The following KCNN2 variants were observed in gnomAD, a reference collection of about 807,000 sequenced individuals.
KCNN2 encodes small conductance calcium-activated potassium channel protein 2.
In KCNN2, 24 loss-of-function variants were observed where a neutral mutation model predicts 55.5. That is an observed-to-expected ratio of 0.43 (90% CI 0.31 to 0.61). The LOEUF is 0.61. Ranked by LOEUF, KCNN2 falls within the 20% of genes least tolerant of loss-of-function variation. The pLI is 0.08. For synonymous variants in KCNN2, 431 were observed against 336.1 expected, an observed-to-expected ratio of 1.28 and a Z score of -3.09; for missense variants, 754 against 853.6, an observed-to-expected ratio of 0.88 and a Z score of 1.45.
Position 114,368,051 on chromosome 5 carries a change from A to AT in KCNN2, c.1218+4060dup, listed in dbSNP as rs949453736. Among the ~76,000 whole-genome samples, 141 of 150,138 alleles carry AT rather than the reference A, an allele frequency of 9.4e-4. 2 individuals carry two copies. The highest frequency in any genetic ancestry group is 2.7e-3 in the African/African-American group (111 of 40,962). On this transcript the variant is annotated intron_variant, in intron 2 of 7. Coordinates refer to ENST00000673685, the MANE Select transcript of KCNN2 (RefSeq NM_021614.4). ...ACTGTGTGGATCCACTTATACACAGATTTTTTTTTTCCAGTAAATATAGTG... is the reference window on the plus strand; with the variant it reads ...ACTGTGTGGATCCACTTATACACAGATTTTTTTTTTTCCAGTAAATATAGTG...
intron 1 of KCNN2, among the ~76,000 whole-genome samples, chr5:114,147,855 T>A (rs1752430970): frequency 6.6e-6 from 1 of 152,280 alleles, no homozygotes; most frequent in African/African-American, 2.4e-5. Context: ...CATTCCTAAG[T>A]ACAGAAAAGG....
chr5:114,491,187 C>T (rs1747830089), intron 6 of KCNN2, among the ~76,000 whole-genome samples: 2 of 152,102 alleles, frequency 1.3e-5, no homozygotes, highest in Non-Finnish European at 2.9e-5. Flanking sequence ...CCCACTTAAG[C>T]TAAGAAACTG....
chr5:114,421,243 A>G (rs1442442866), intron 3 of KCNN2, among the ~76,000 whole-genome samples: 2 of 151,156 alleles, frequency 1.3e-5, no homozygotes, highest in East Asian at 1.9e-4. Context: ...AAAAGCCAAC[A>G]TGTTGGTTAG....
intron 2 of KCNN2, among the ~76,000 whole-genome samples, chr5:114,320,610 T>A (rs1373788366): frequency 1.3e-5 from 2 of 149,050 alleles, no homozygotes; most frequent in African/African-American, 5.0e-5. Context: ...CGAGACTCTG[T>A]CTCAAAAAAA....
intron 2 of KCNN2, among the ~76,000 whole-genome samples, chr5:114,310,274 A>G (rs1756369181): frequency 1.3e-5 from 2 of 152,184 alleles, no homozygotes; most frequent in African/African-American, 4.8e-5. Flanking sequence ...CATGATGCAC[A>G]GAAACCACAG....
At chr5:114,311,157 A>G (rs1756384994) in intron 2 of KCNN2, among the ~76,000 whole-genome samples, 1 of 152,098 alleles carries the variant, frequency 6.6e-6, no homozygotes. Flanking sequence ...ATGTATATAT[A>G]TATTTTTAAT....
intron 2 of KCNN2, among the ~76,000 whole-genome samples, chr5:114,274,142 A>T (rs914226502): frequency 1.3e-5 from 2 of 152,174 alleles, no homozygotes; most frequent in Non-Finnish European, 2.9e-5. Context: ...CAAAGATCAG[A>T]TGGTGGTAGA....
chr5:114,333,711 A>C (rs1036635366), intron 2 of KCNN2, among the ~76,000 whole-genome samples: 1 of 152,106 alleles, frequency 6.6e-6, no homozygotes, highest in African/African-American at 2.4e-5. Context: ...ATAAGAAATA[A>C]AATATTTATA....
At chr5:114,119,996 C>T (rs902693564) in intron 1 of KCNN2, among the ~76,000 whole-genome samples, 35 of 152,028 alleles carry the variant, frequency 2.3e-4, no homozygotes, top group African/African-American at 8.2e-4. Flanking sequence ...TGCGCATGTG[C>T]AAACTTATTT....
At chr5:114,168,030 G>C (rs1752951924) in intron 1 of KCNN2, among the ~76,000 whole-genome samples, 1 of 152,042 alleles carries the variant, frequency 6.6e-6, no homozygotes, top group Non-Finnish European at 1.5e-5. Flanking sequence ...CATGTGAGTA[G>C]TATACCATTG....
At chr5:114,404,413 C>A in intron 2 of KCNN2, 25 bp from the exon 3 acceptor site, 1 of 1,593,902 alleles carries the variant, frequency 6.3e-7, no homozygotes, top group Non-Finnish European at 8.6e-7. Flanking sequence ...CATACTGAAG[C>A]TGATTTTCTA....
chr5:114,366,188 T>C (rs1269672580), intron 2 of KCNN2, among the ~76,000 whole-genome samples: 1 of 152,224 alleles, frequency 6.6e-6, no homozygotes, highest in Non-Finnish European at 1.5e-5. Flanking sequence ...CATATGCACA[T>C]ATATTTTGAT....
intron 1 of KCNN2, among the ~76,000 whole-genome samples, chr5:114,216,875 T>A (rs1293931094): frequency 6.6e-6 from 1 of 152,062 alleles, no homozygotes; most frequent in African/African-American, 2.4e-5. Context: ...AAAAAATTTT[T>A]AAAAACCTTC....
intron 5 of KCNN2, among the ~76,000 whole-genome samples, chr5:114,478,233 A>C (rs537399901): frequency 1.1e-3 from 167 of 152,338 alleles, no homozygotes; most frequent in African/African-American, 3.8e-3. Flanking sequence ...AAGCAGCAGG[A>C]GAAAAAAACA....
At position 114,363,899 on chromosome 5, in the gene KCNN2, G is replaced by A; in HGVS notation, c.1123-7G>A. On this transcript the variant is annotated splice_polypyrimidine_tract_variant and splice_region_variant and intron_variant, in intron 1 of 7. Transcript: ENST00000673685. ...CTTAAAAGTGCTTCTGTCTGACTGT[G>A]TTGCAGGCGTCGCTGTATTCCTTAG... The A allele has an allele frequency of 6.2e-7, 1 of 1,610,426 alleles. No homozygotes were observed. Among genetic ancestry groups the A allele is most frequent in the Non-Finnish European group, 8.5e-7 (1 of 1,176,744 alleles).
chr5:114,439,122 A>G (rs1760119614), intron 3 of KCNN2, among the ~76,000 whole-genome samples: 1 of 152,174 alleles, frequency 6.6e-6, no homozygotes, highest in Non-Finnish European at 1.5e-5. Context: ...TTTGCGTAAC[A>G]TCTAGAGGAG....
At chr5:114,157,296 G>T (rs573116223) in intron 1 of KCNN2, among the ~76,000 whole-genome samples, 4 of 151,952 alleles carry the variant, frequency 2.6e-5, no homozygotes, top group Admixed American at 2.6e-4. Context: ...CAGAATGATG[G>T]TTTCCAGCTT....
At chr5:114,127,260 C>T (rs765541468) in intron 1 of KCNN2, among the ~76,000 whole-genome samples, 1 of 152,202 alleles carries the variant, frequency 6.6e-6, no homozygotes, top group East Asian at 1.9e-4. Context: ...TCCTTCTGCA[C>T]TGCCCTGGAA....
chr5:114,408,109 C>A (rs1011714782), intron 3 of KCNN2, among the ~76,000 whole-genome samples: 2 of 151,778 alleles, frequency 1.3e-5, no homozygotes. Flanking sequence ...AGTGCATGTG[C>A]GGTTGCCTCT....
Sources: gnomAD v4.1 joint callset for allele counts (sites outside exome capture counted in the v4.1 genomes callset) on GRCh38, gnomAD v4.1.1 for gene constraint, MANE v1.5 for transcripts, NCBI Gene and HGNC (gene_info 2026-07-23, HGNC 2026-07-21) for gene names.